The following GPC4 variants were observed in gnomAD, a reference collection of about 807,000 sequenced individuals.
GPC4 encodes glypican 4.
In GPC4, 10 loss-of-function variants were observed where a neutral mutation model predicts 35.0. The observed-to-expected ratio is 0.29, with a 90% CI of 0.18 to 0.48. The LOEUF (loss-of-function observed/expected upper bound fraction) is 0.48, where lower values mean the gene tolerates loss of function less well. Ranked by LOEUF, GPC4 falls within the 20% of genes least tolerant of loss-of-function variation. The pLI is 0.99. For synonymous variants in GPC4, 167 were observed against 170.2 expected, an observed-to-expected ratio of 0.98 and a Z score of 0.15; for missense variants, 322 against 451.3, an observed-to-expected ratio of 0.71 and a Z score of 2.60.
intron 1 of GPC4, among the ~76,000 whole-genome samples, chrX:133,347,605 C>A (rs1264376638): frequency 2.7e-5 from 3 of 110,784 alleles, no homozygotes; most frequent in Non-Finnish European, 5.7e-5. Flanking sequence ...TAACTCCAGC[C>A]CCTCTAAGCT....
chrX:133,355,414 G>A lies in GPC4; in HGVS notation c.161-16073C>T, dbSNP rs1024640849. 5.4e-5 allele frequency among the ~76,000 whole-genome samples: 6 copies of A among 111,910 alleles called. No homozygotes were observed. In the East Asian group the frequency reaches 1.7e-3, roughly 31 times the overall value. Reference sequence around the variant, plus strand: ...TACTCTTATAAAAAAGCATTGTTTCGTTATTATGAGATGAACCTTCATAGC... The same window carrying A: ...TACTCTTATAAAAAAGCATTGTTTCATTATTATGAGATGAACCTTCATAGC... On this transcript the variant is annotated intron_variant, in intron 1 of 8. Coordinates refer to ENST00000370828, the MANE Select transcript of GPC4 (RefSeq NM_001448.3).
rs746438519 is a variant in GPC4, at chrX:133,303,185, G to A, written c.1449C>T (p.Asp483=). 13 of 1,211,231 alleles carry A rather than the reference G, an allele frequency of 1.1e-5. No individual in the cohort carries two copies. The highest frequency in any genetic ancestry group is 1.3e-5 in the Non-Finnish European group (12 of 895,243). Residue 483 remains aspartate, a synonymous_variant, in exon 8 of 9, where the codon GAC becomes GAT. Transcript: ENST00000370828. ...GCTTACTGATATCAAAGAAGTCCAC[G>A]TCGTTCCCATTGTATGCATTCTTCA... ...SKMKNAYNGN[D]VDFFDISDES...
At chrX:133,355,762 T>G (rs950273441) in intron 1 of GPC4, among the ~76,000 whole-genome samples, 1 of 111,289 alleles carries the variant, frequency 9.0e-6, no homozygotes, top group Non-Finnish European at 1.9e-5. Flanking sequence ...CCCTCATGAA[T>G]GGCTTAGCAC....
chrX:133,350,380 A>G (rs946951765), intron 1 of GPC4, among the ~76,000 whole-genome samples: 1 of 110,502 alleles, frequency 9.0e-6, no homozygotes, highest in Non-Finnish European at 1.9e-5. Context: ...AAAATTAGCC[A>G]GGCATGGTGG....
In GPC4 at chrX:133,300,886, T is replaced by C. The variant is rs2068264866; in HGVS notation, c.*1981A>G. 1 of 111,640 alleles carries C rather than the reference T, an allele frequency of 9.0e-6. No individual in the cohort carries two copies. Among genetic ancestry groups the C allele is most frequent in the South Asian group, 3.8e-4 (1 of 2,666 alleles). 9.2% of individuals were successfully genotyped at this position (111,640 alleles called of 1,213,427 possible). On this transcript the variant is annotated 3_prime_UTR_variant, in exon 9 of 9. Coordinates refer to ENST00000370828, the MANE Select transcript of GPC4 (RefSeq NM_001448.3). ...AAAAGGAAATTCCTCACAACTGAGG[T>C]AGTTACTAAGTATCAGCACATTTTC...
intron 1 of GPC4, among the ~76,000 whole-genome samples, chrX:133,354,822 C>T (rs1368639267): frequency 9.1e-6 from 1 of 110,370 alleles, no homozygotes; most frequent in Non-Finnish European, 1.9e-5. Flanking sequence ...CCCGCCTCAG[C>T]CTCCCAAAGT....
chrX:133,385,633 C>G (rs1467853791), intron 1 of GPC4, among the ~76,000 whole-genome samples: 1 of 111,579 alleles, frequency 9.0e-6, no homozygotes, highest in Non-Finnish European at 1.9e-5. Flanking sequence ...AAAAATACTC[C>G]TCTCTGAGAT....
intron 3 of GPC4, among the ~76,000 whole-genome samples, chrX:133,314,821 G>T (rs1001116029): frequency 9.0e-6 from 1 of 111,065 alleles, no homozygotes; most frequent in Non-Finnish European, 1.9e-5. Context: ...GAGACCTAAA[G>T]AAACAGGTCT....
At chrX:133,351,789 T>A (rs1298179724) in intron 1 of GPC4, among the ~76,000 whole-genome samples, 1 of 112,185 alleles carries the variant, frequency 8.9e-6, no homozygotes, top group Non-Finnish European at 1.9e-5. Flanking sequence ...TGCAAGAGAT[T>A]ATCTGGGAAT....
chrX:133,307,505 G>C (rs1041131618), intron 4 of GPC4, among the ~76,000 whole-genome samples: 13 of 112,000 alleles, frequency 1.2e-4, no homozygotes, highest in African/African-American at 3.9e-4. Context: ...AGAATGCATT[G>C]TGGTAAGCGC....
At chrX:133,318,570 GGT>G (rs1038212269) in intron 3 of GPC4, among the ~76,000 whole-genome samples, 1 of 111,813 alleles carries the variant, frequency 8.9e-6, no homozygotes, top group Non-Finnish European at 1.9e-5. Flanking sequence ...TTTGGGGTGG[GGT>G]GTAGGTGTAG....
chrX:133,374,791 C>T (rs966683001), intron 1 of GPC4, among the ~76,000 whole-genome samples: 9 of 112,253 alleles, frequency 8.0e-5, no homozygotes, highest in Non-Finnish European at 1.1e-4. Flanking sequence ...AGTCATTTCA[C>T]AGGTATGTGG....
chrX:133,316,168 T>C (rs1340037032), intron 3 of GPC4, among the ~76,000 whole-genome samples: 8 of 112,077 alleles, frequency 7.1e-5, no homozygotes, highest in East Asian at 2.8e-4. Flanking sequence ...CTATGATACA[T>C]TTACACAGTA....
Position 133,412,386 on chromosome X carries a change from A to C in GPC4, c.160+2420T>G, listed in dbSNP as rs143481847. Among the ~76,000 whole-genome samples, 487 of 111,768 alleles carry C rather than the reference A, an allele frequency of 4.4e-3. 8 individuals are homozygous for C. The highest frequency in any genetic ancestry group is 0.015 in the African/African-American group (467 of 30,763). ...TCCTAGACTCAAATGAATGCCTCTA[A>C]CACTCCACATTTTTGAGCCATTCAG... On this transcript the variant is annotated intron_variant, in intron 1 of 8. Coordinates refer to ENST00000370828, the MANE Select transcript of GPC4 (RefSeq NM_001448.3).
chrX:133,311,973 C>T (rs143858708), intron 3 of GPC4, among the ~76,000 whole-genome samples: 1 of 111,602 alleles, frequency 9.0e-6, no homozygotes, highest in Non-Finnish European at 1.9e-5. Flanking sequence ...TGTTCTGTGC[C>T]AAGAGCTGTG....
At chrX:133,383,844 C>CA in intron 1 of GPC4, among the ~76,000 whole-genome samples, 1 of 111,240 alleles carries the variant, frequency 9.0e-6, no homozygotes. Context: ...AAGACTATCT[C>CA]AAAAAACAAT....
At chrX:133,306,229 G>C in intron 4 of GPC4, 75 bp from the exon 5 acceptor site, 1 of 1,105,286 alleles carries the variant, frequency 9.0e-7, no homozygotes, top group South Asian at 1.9e-5. Context: ...AAATCAATCT[G>C]ATTTTTTTTT....
At chrX:133,394,486 G>A (rs959823267) in intron 1 of GPC4, among the ~76,000 whole-genome samples, 2 of 110,368 alleles carry the variant, frequency 1.8e-5, no homozygotes, top group African/African-American at 6.6e-5. Flanking sequence ...AGTTGATCAG[G>A]GCAAGGAGAA....
chrX:133,378,962 T>C (rs1386580643), intron 1 of GPC4, among the ~76,000 whole-genome samples: 1 of 112,096 alleles, frequency 8.9e-6, no homozygotes, highest in African/African-American at 3.2e-5. Flanking sequence ...AGCACAGACT[T>C]TGGAGTCAGA....
Sources: allele counts gnomAD v4.1 joint callset (sites outside exome capture counted in the v4.1 genomes callset), GRCh38; gene constraint gnomAD v4.1.1; transcripts MANE v1.5; gene names NCBI Gene and HGNC (gene_info 2026-07-23, HGNC 2026-07-21).